The following CSMD1 variants were observed in gnomAD, a reference collection of about 807,000 sequenced individuals.
The protein encoded by CSMD1 is CUB and sushi domain-containing protein 1.
CSMD1 carries 213 observed loss-of-function variants against 417.5 expected under a neutral mutation model. The observed-to-expected ratio is 0.51, with a 90% CI of 0.46 to 0.57. The LOEUF (loss-of-function observed/expected upper bound fraction) is 0.57. Among genes scored for constraint, CSMD1 ranks in the 20% least tolerant of loss-of-function variants. The pLI is 0.00. For missense variants in CSMD1, 6,923 were observed against 4,529.7 expected, an observed-to-expected ratio of 1.53 and a Z score of -15.17; for synonymous variants, 2,862 against 1,736.8, an observed-to-expected ratio of 1.65 and a Z score of -16.11.
intron 25 of CSMD1, among the ~76,000 whole-genome samples, chr8:3,293,726 G>C (rs781449022): frequency 6.6e-6 from 1 of 151,092 alleles, no homozygotes; most frequent in African/African-American, 2.4e-5. Flanking sequence ...TTAGCCATTC[G>C]TTTAATTTTT....
At chr8:3,671,511 ATG>A (rs200329427) in intron 7 of CSMD1, among the ~76,000 whole-genome samples, 3,125 of 10,898 alleles carry the variant, frequency 0.29, 481 homozygotes, top group East Asian at 0.49. Context: ...ATATATATAT[ATG>A]ATCATATATA....
At chr8:3,420,418 A>G (rs1389969794) in intron 12 of CSMD1, among the ~76,000 whole-genome samples, 4 of 150,852 alleles carry the variant, frequency 2.7e-5, no homozygotes, top group Non-Finnish European at 5.9e-5. Flanking sequence ...GGAAGAGGAC[A>G]CTAGGAAAAA....
At position 4,444,416 on chromosome 8, in the gene CSMD1, C is replaced by G. The variant is rs183928587; in HGVS notation, c.303-24351G>C. ...AGTAGGTCATGCTGAATGTGGTGCT[C>G]AAAAATGGACAACTTTTAGATCAAC... On this transcript the variant is annotated intron_variant, in intron 2 of 69. Transcript: ENST00000635120. 2.6e-3 allele frequency among the ~76,000 whole-genome samples: 354 copies of G among 138,362 alleles called. 2 individuals carry two copies. The highest frequency in any genetic ancestry group is 9.2e-3 in the African/African-American group (343 of 37,264). 90.8% of individuals were successfully genotyped at this position (138,362 alleles called of 152,430 possible).
At chr8:4,192,801 C>T (rs1048291049) in intron 3 of CSMD1, among the ~76,000 whole-genome samples, 2 of 152,224 alleles carry the variant, frequency 1.3e-5, no homozygotes, top group African/African-American at 4.8e-5. Flanking sequence ...TCAAACACAA[C>T]CTCCTCACTC....
chr8:4,051,328 G>A (rs919016533), intron 3 of CSMD1, among the ~76,000 whole-genome samples: 1 of 144,410 alleles, frequency 6.9e-6, no homozygotes, highest in Non-Finnish European at 1.5e-5. Context: ...AAAAAGATAT[G>A]TACAAGTAAA....
rs186922360 is a variant in CSMD1 at position 4,045,993 on chromosome 8, A to G, written c.416-13894T>C. On this transcript the variant is annotated intron_variant, in intron 3 of 69. Transcript: ENST00000635120. ...ATTCCTGTGAAGTGGATATAATTCA[A>G]AATAATGGTTCTACAATTGTATTCA... Among the ~76,000 whole-genome samples, 592 of 152,260 alleles carry G rather than the reference A, an allele frequency of 3.9e-3. 4 individuals carry two copies. The highest frequency in any genetic ancestry group is 6.6e-3 in the Non-Finnish European group (452 of 68,014).
chr8:4,805,178 T>C (rs184394101), intron 1 of CSMD1, among the ~76,000 whole-genome samples: 2 of 152,324 alleles, frequency 1.3e-5, no homozygotes, highest in African/African-American at 4.8e-5. Flanking sequence ...GTTTACTCGT[T>C]TGTATAGAGA....
intron 1 of CSMD1, among the ~76,000 whole-genome samples, chr8:4,660,637 A>G (rs1371928728): frequency 2.0e-5 from 3 of 151,950 alleles, no homozygotes; most frequent in Non-Finnish European, 4.4e-5. Context: ...TAGTTCAGCA[A>G]AATTAAAAAC....
chr8:4,223,679 C>T (rs995634683), intron 3 of CSMD1, among the ~76,000 whole-genome samples: 15 of 152,206 alleles, frequency 9.9e-5, no homozygotes, highest in Non-Finnish European at 1.8e-4. Context: ...TTGGAAAAAT[C>T]ATTTGACTTC....
At chr8:4,216,596 G>C (rs954171694) in intron 3 of CSMD1, among the ~76,000 whole-genome samples, 9 of 152,190 alleles carry the variant, frequency 5.9e-5, no homozygotes, top group Admixed American at 2.0e-4. Context: ...CAGATGGAAG[G>C]TGCTGAGGAC....
intron 1 of CSMD1, chr8:4,788,560 C>G (rs923150600): frequency 7.4e-7 from 1 of 1,353,768 alleles, no homozygotes; most frequent in African/African-American, 1.5e-5. Flanking sequence ...AGCAGGCTGA[C>G]AAGAAAATCA....
At chr8:4,884,603 G>A (rs1331608369) in intron 1 of CSMD1, among the ~76,000 whole-genome samples, 1 of 151,940 alleles carries the variant, frequency 6.6e-6, no homozygotes, top group Non-Finnish European at 1.5e-5. Context: ...ATATCTAGTT[G>A]TTCTAGCATA....
chr8:4,646,183 G>T (rs1474973849), intron 1 of CSMD1, among the ~76,000 whole-genome samples: 2 of 152,104 alleles, frequency 1.3e-5, no homozygotes, highest in Non-Finnish European at 2.9e-5. Context: ...CATTGCCAGT[G>T]GAGAGAATTC....
At chr8:3,582,828 T>G (rs1050425850) in intron 9 of CSMD1, among the ~76,000 whole-genome samples, 38 of 152,364 alleles carry the variant, frequency 2.5e-4, no homozygotes, top group Admixed American at 2.2e-3. Flanking sequence ...TTTCCCTTTT[T>G]AGTCTAGCTA....
chr8:4,006,473 G>C (rs375845997), intron 4 of CSMD1, among the ~76,000 whole-genome samples: 3 of 152,272 alleles, frequency 2.0e-5, no homozygotes, highest in East Asian at 3.9e-4. Context: ...GAACTTGGGA[G>C]GCAGAGGTTG....
intron 5 of CSMD1, among the ~76,000 whole-genome samples, chr8:3,964,696 T>C (rs995239948): frequency 2.0e-5 from 3 of 152,218 alleles, no homozygotes; most frequent in Non-Finnish European, 2.9e-5. Flanking sequence ...ACCATAGTTA[T>C]TAAATAAACG....
chr8:4,948,530 T>A (rs1423276508), intron 1 of CSMD1, among the ~76,000 whole-genome samples: 1 of 152,068 alleles, frequency 6.6e-6, no homozygotes, highest in Non-Finnish European at 1.5e-5. Context: ...ATCTTGTGAA[T>A]ACTGGTTTTG....
chr8:3,755,643 T>C (rs972202043), intron 5 of CSMD1, among the ~76,000 whole-genome samples: 1 of 152,084 alleles, frequency 6.6e-6, no homozygotes. Flanking sequence ...CTTATTCTAT[T>C]ACCTGGAAGA....
chr8:3,298,662 C>G (rs1314590250), intron 25 of CSMD1, among the ~76,000 whole-genome samples: 2 of 152,182 alleles, frequency 1.3e-5, no homozygotes, highest in African/African-American at 2.4e-5. Context: ...CCATGTTGAT[C>G]AGGTTGGTCT....
Sources: allele counts gnomAD v4.1 joint callset (sites outside exome capture counted in the v4.1 genomes callset), GRCh38; gene constraint gnomAD v4.1.1; transcripts MANE v1.5; gene names NCBI Gene and HGNC (gene_info 2026-07-23, HGNC 2026-07-21).